Variants in RPS27 observed in about 807,000 individuals in gnomAD.
The protein encoded by RPS27 is small ribosomal subunit protein eS27.
In RPS27, 1 loss-of-function variant was observed where a neutral mutation model predicts 11.8. The observed-to-expected ratio is 0.08, with a 90% CI of 0.03 to 0.40. RPS27 has a LOEUF of 0.40. RPS27 is among the 10% of genes least tolerant of loss of function. The pLI, the probability that RPS27 is intolerant of heterozygous loss-of-function variation, is 0.98. For synonymous variants in RPS27, 42 were observed against 33.8 expected (o/e 1.24, Z -0.84); for missense variants, 44 against 100.1 (o/e 0.44, Z 2.39).
intron 3 of RPS27, 147 bp downstream of exon 3, chr1:153,991,823 C>T (rs909917171): frequency 1.1e-4 from 76 of 669,082 alleles, no homozygotes; most frequent in Non-Finnish European, 4.2e-5. Flanking sequence ...GTTGTTTTAA[C>T]TAGATACTAC....
rs775563189 is a variant in RPS27 at position 153,991,148 on chromosome 1, G to C, written c.40G>C (p.Glu14Gln). The C allele has an allele frequency of 1.9e-6, 3 of 1,595,754 alleles. No homozygotes were observed. Among genetic ancestry groups the C allele is most frequent in the Non-Finnish European group, 2.6e-6 (3 of 1,168,942 alleles). ...GGATCTCCTTCATCCCTCTCCAGAAGAGGAGAAGAGGAAACACAAGAAGAA... is the reference window on the plus strand; with the variant it reads ...GGATCTCCTTCATCCCTCTCCAGAACAGGAGAAGAGGAAACACAAGAAGAA... ...AKDLLHPSPE[E>Q]EKRKHKKKRL... The change falls in exon 2 of 4, where the codon GAG becomes CAG. Residue 14 changes from glutamate to glutamine, a missense_variant. By Grantham distance (29) the Glu-to-Gln change is conservative. Coordinates refer to ENST00000651669, the MANE Select transcript of RPS27 (RefSeq NM_001030.6).
chr1:153,991,672 A>G lies in RPS27; in HGVS notation c.222A>G (p.Thr74=), dbSNP rs1006565022. The change falls in exon 3 of 4, where the codon ACA becomes ACG. Residue 74 remains threonine (T), a synonymous_variant. Transcript: ENST00000651669. ...CQPTGGKARL[T]EGCSFRRKQH is the part of the protein sequence containing the mutation. ...CTACAGGAGGAAAAGCAAGGCTTACAGAAGGTAAATGGTTTACTAATGTGA... is the reference window on the plus strand; with the variant it reads ...CTACAGGAGGAAAAGCAAGGCTTACGGAAGGTAAATGGTTTACTAATGTGA... 1 of 1,593,282 alleles carries G rather than the reference A, an allele frequency of 6.3e-7. No homozygotes were observed. Among genetic ancestry groups the G allele is most frequent in the Non-Finnish European group, 8.6e-7 (1 of 1,161,814 alleles).
Position 153,991,180 on chromosome 1 carries a change from G to A in RPS27, c.72G>A (p.Leu24=), listed in dbSNP as rs986436855. The change falls in exon 2 of 4, where the codon CTG becomes CTA. Residue 24 remains leucine (L), a synonymous_variant. Transcript: ENST00000651669. ...EEKRKHKKKR[L]VQSPNSYFMD... Reference sequence around the variant, plus strand: ...AGAGGAAACACAAGAAGAAACGCCTGGTGCAGAGCCCCAATTCCTACTTCA... The same window carrying A: ...AGAGGAAACACAAGAAGAAACGCCTAGTGCAGAGCCCCAATTCCTACTTCA... The A allele has an allele frequency of 3.1e-6, 5 of 1,599,636 alleles. No homozygotes were observed. Among genetic ancestry groups the A allele is most frequent in the Non-Finnish European group, 4.3e-6 (5 of 1,171,074 alleles).
rs572004867 is a variant in RPS27, at chr1:153,991,192, C to G, written c.84C>G (p.Pro28=). The change falls in exon 2 of 4, where the codon CCC becomes CCG. Residue 28 remains proline, a synonymous_variant. Coordinates refer to ENST00000651669, the MANE Select transcript of RPS27 (RefSeq NM_001030.6). ...AGAAGAAACGCCTGGTGCAGAGCCC[C>G]AATTCCTACTTCATGGATGTGAAAT... ...KHKKKRLVQS[P]NSYFMDVKCP... is the part of the protein sequence containing the mutation. 1.7e-5 allele frequency: 27 copies of G among 1,599,198 alleles called. No homozygotes were observed. Among genetic ancestry groups the G allele is most frequent in the Non-Finnish European group, 2.3e-5 (27 of 1,170,578 alleles).
intron 3 of RPS27, 27 bp from the exon 4 acceptor site, chr1:153,992,038 G>A (rs1329054081): frequency 6.2e-7 from 1 of 1,611,766 alleles, no homozygotes; most frequent in East Asian, 2.2e-5. Flanking sequence ...ACTGATGACA[G>A]CTAATCTCTG....
intron 3 of RPS27, 74 bp downstream of exon 3, chr1:153,991,750 C>T (rs956262623): frequency 1.1e-5 from 11 of 1,033,532 alleles, no homozygotes; most frequent in African/African-American, 3.2e-5. Flanking sequence ...TAGGATTTTT[C>T]GGTCTTAACA....
chr1:153,991,998 T>C (rs374937935), intron 3 of RPS27, 67 bp from the exon 4 acceptor site: 1 of 1,455,884 alleles, frequency 6.9e-7, no homozygotes, highest in Non-Finnish European at 9.6e-7. Flanking sequence ...ATGCATCTGC[T>C]TTTTTGGGAG....
At chr1:153,991,255 C>T in intron 2 of RPS27, 32 bp downstream of exon 2, 1 of 1,574,174 alleles carries the variant, frequency 6.4e-7, no homozygotes, top group Non-Finnish European at 8.6e-7. Context: ...GTGGGGAAAG[C>T]ACTGGACCTC....
intron 3 of RPS27, 97 bp from the exon 4 acceptor site, chr1:153,991,968 C>A: frequency 9.0e-7 from 1 of 1,113,542 alleles, no homozygotes; most frequent in Non-Finnish European, 1.4e-6. Flanking sequence ...AAAGATGTAG[C>A]TTTCTGTGGG....
intron 1 of RPS27, 89 bp from the exon 2 acceptor site, chr1:153,991,026 C>T (rs746739924): frequency 4.2e-6 from 5 of 1,197,628 alleles, no homozygotes; most frequent in Non-Finnish European, 5.9e-6. Context: ...GAGGGGCGAG[C>T]TCTCCCCGGT....
Position 153,991,549 on chromosome 1 carries a change from A to C in RPS27, c.116-17A>C. On this transcript the variant is annotated splice_polypyrimidine_tract_variant and intron_variant, in intron 2 of 3. Coordinates refer to ENST00000651669, the MANE Select transcript of RPS27 (RefSeq NM_001030.6). ...GGGTGTAATAGAGGAAAAAAATGTT[A>C]TCTGCTTTTCTTTCAGGATGCTATA... is the stretch of plus-strand genomic sequence containing the variant. 3 of 1,590,200 alleles carry C rather than the reference A, an allele frequency of 1.9e-6. No homozygotes were observed. The highest frequency in any genetic ancestry group is 2.6e-6 in the Non-Finnish European group (3 of 1,159,272).
intron 2 of RPS27, 86 bp from the exon 3 acceptor site, chr1:153,991,475 TGGGAA>T: frequency 7.3e-7 from 1 of 1,363,450 alleles, no homozygotes. Context: ...TTTTTTGTGT[TGGGAA>T]ACAATGTAAT....
Position 153,991,554 on chromosome 1 carries a change from C to T in RPS27, c.116-12C>T, listed in dbSNP as rs767972625. 7 of 1,600,492 alleles carry T rather than the reference C, an allele frequency of 4.4e-6. No homozygotes were observed. Among genetic ancestry groups the T allele is most frequent in the Non-Finnish European group, 6.0e-6 (7 of 1,168,638 alleles). On this transcript the variant is annotated splice_polypyrimidine_tract_variant and intron_variant, in intron 2 of 3. Coordinates refer to ENST00000651669, the MANE Select transcript of RPS27 (RefSeq NM_001030.6). ...TAATAGAGGAAAAAAATGTTATCTG[C>T]TTTTCTTTCAGGATGCTATAAAATC...
chr1:153,991,458 C>G, intron 2 of RPS27, 108 bp from the exon 3 acceptor site: 1 of 1,361,128 alleles, frequency 7.3e-7, no homozygotes, highest in Admixed American at 2.1e-5. Flanking sequence ...ACATACAACC[C>G]CTACGTTTTT....
In RPS27 at chr1:153,992,144, G is replaced by A; in HGVS notation, c.*51G>A. 3 of 1,502,590 alleles carry A rather than the reference G, an allele frequency of 2.0e-6. No individual in the cohort carries two copies. The highest frequency in any genetic ancestry group is 2.8e-6 in the Non-Finnish European group (3 of 1,086,872). The allele number at this position is 1,502,590 out of a possible 1,614,324, so 93.1% of individuals were successfully genotyped here. ...GAAACCATCTCAATAAACACATTTT[G>A]GATAAATCCTGTTTATTGTCTTGTT... is the stretch of plus-strand genomic sequence containing the variant. On this transcript the variant is annotated 3_prime_UTR_variant, in exon 4 of 4. Coordinates refer to ENST00000651669, the MANE Select transcript of RPS27 (RefSeq NM_001030.6).
chr1:153,990,909 C>A (rs947533004), intron 1 of RPS27, 107 bp downstream of exon 1: 5 of 1,490,834 alleles, frequency 3.4e-6, no homozygotes, highest in African/African-American at 2.8e-5. Flanking sequence ...CTCTGCACTT[C>A]TTAGGACATT....
chr1:153,991,368 A>G, intron 2 of RPS27, 145 bp downstream of exon 2: 1 of 1,509,974 alleles, frequency 6.6e-7, no homozygotes, highest in Non-Finnish European at 8.8e-7. Flanking sequence ...GATACTCTTA[A>G]AATTTGAATG....
rs140507008 is a variant in RPS27, at chr1:153,990,782, T to G, written c.-15T>G. On this transcript the variant is annotated 5_prime_UTR_variant, in exon 1 of 4. Transcript: ENST00000651669. ...TCGCTCCTTTCCGGCGGTGACGACC[T>G]ACGCACACGAGAACATGCCTGTGAG... 1.2e-6 allele frequency: 2 copies of G among 1,614,108 alleles called. No homozygotes were observed. Among genetic ancestry groups the G allele is most frequent in the Non-Finnish European group, 1.7e-6 (2 of 1,180,046 alleles).
chr1:153,990,769 G>A lies in RPS27; in HGVS notation c.-28G>A, dbSNP rs368727284. The stretch of plus-strand genomic sequence containing the variant: ...AGGATTTCCGCTTTCGCTCCTTTCC[G>A]GCGGTGACGACCTACGCACACGAGA... On this transcript the variant is annotated 5_prime_UTR_variant, in exon 1 of 4. Coordinates refer to ENST00000651669, the MANE Select transcript of RPS27 (RefSeq NM_001030.6). 1.9e-5 allele frequency: 30 copies of A among 1,614,058 alleles called. No homozygotes were observed. In the African/African-American group the frequency reaches 2.7e-4, roughly 14 times the overall value.
Sources: gnomAD v4.1 joint callset for allele counts on GRCh38, gnomAD v4.1.1 for gene constraint, MANE v1.5 for transcripts, NCBI Gene and HGNC (gene_info 2026-07-23, HGNC 2026-07-21) for gene names.